KDM4C: variants seen among roughly 807,000 people sequenced by gnomAD.
KDM4C encodes the protein lysine-specific demethylase 4C.
KDM4C carries 81 observed loss-of-function variants against 129.3 expected under a neutral mutation model. That is an observed-to-expected ratio of 0.63 (90% confidence interval 0.52 to 0.75). The LOEUF is 0.75. KDM4C is among the 30% of genes least tolerant of loss of function. The pLI is 0.00. For synonymous variants in KDM4C, 573 were observed against 456.1 expected, an observed-to-expected ratio of 1.26 and a Z score of -3.26; for missense variants, 1,457 against 1,304.0, an observed-to-expected ratio of 1.12 and a Z score of -1.81.
chr9:7,131,276 G>C (rs989414718), intron 19 of KDM4C, among the ~76,000 whole-genome samples: 1 of 152,084 alleles, frequency 6.6e-6, no homozygotes, highest in East Asian at 1.9e-4. Flanking sequence ...CAGTGTCACC[G>C]TTGTTAGCTG....
chr9:7,069,811 CAT>C (rs1832950309), intron 17 of KDM4C, among the ~76,000 whole-genome samples: 1 of 152,048 alleles, frequency 6.6e-6, no homozygotes, highest in Non-Finnish European at 1.5e-5. Context: ...GTTTATAGGA[CAT>C]GTGAAAATAA....
In KDM4C at chr9:6,823,016, A is replaced by G. The variant is rs141840351; in HGVS notation, c.435+8271A>G. ...GCATTTCTAGCAATACCTATTGTGT[A>G]GCATAATGATGATTCTTCTCGTGGT... On this transcript the variant is annotated intron_variant, in intron 4 of 21. Transcript: ENST00000381309. Among the ~76,000 whole-genome samples, 442 of 152,374 alleles carry G rather than the reference A, an allele frequency of 2.9e-3. 2 individuals are homozygous for G. Among genetic ancestry groups the G allele is most frequent in the African/African-American group, 0.01 (418 of 41,588 alleles).
At chr9:6,972,537 A>T (rs1048791949) in intron 8 of KDM4C, among the ~76,000 whole-genome samples, 1 of 152,170 alleles carries the variant, frequency 6.6e-6, no homozygotes, top group Non-Finnish European at 1.5e-5. Flanking sequence ...AAATGCCACC[A>T]GTTGTGGTCA....
At chr9:6,868,456 G>C (rs1842376829) in intron 5 of KDM4C, among the ~76,000 whole-genome samples, 1 of 152,156 alleles carries the variant, frequency 6.6e-6, no homozygotes, top group African/African-American at 2.4e-5. Flanking sequence ...CAGTATCCAT[G>C]AACTGTTGGT....
chr9:7,065,994 TAA>T (rs35817401), intron 17 of KDM4C, among the ~76,000 whole-genome samples: 1,983 of 144,120 alleles, frequency 0.014, 15 homozygotes, highest in Middle Eastern at 0.021. Flanking sequence ...GTAACAGCTT[TAA>T]AAAAAAAAAA....
intron 4 of KDM4C, among the ~76,000 whole-genome samples, chr9:6,838,462 T>C (rs1201459247): frequency 6.6e-6 from 1 of 152,182 alleles, no homozygotes; most frequent in Admixed American, 6.5e-5. Context: ...GAAACTCCAT[T>C]AACTTCACAC....
At chr9:6,791,504 C>T (rs575887950) in intron 1 of KDM4C, among the ~76,000 whole-genome samples, 3 of 152,238 alleles carry the variant, frequency 2.0e-5, no homozygotes, top group South Asian at 2.1e-4. Flanking sequence ...CATTCTTTTC[C>T]GTGTTTTGCC....
In KDM4C at chr9:6,926,341, T is replaced by TAAAAAAAA. The variant is rs33974740; in HGVS notation, c.921+33116_921+33123dup. On this transcript the variant is annotated intron_variant, in intron 8 of 21. Transcript: ENST00000381309. ...GAAGCAGTTGTAGAGAGATAATTTG[T>TAAAAAAAA]AAAAAAAAAAAAAAGGACCAAAATA... 2.1e-3 allele frequency among the ~76,000 whole-genome samples: 221 copies of TAAAAAAAA among 107,368 alleles called. 7 individuals carry two copies. In the South Asian group the frequency reaches 0.047, roughly 23 times the overall value. 70.4% of individuals were successfully genotyped at this position (107,368 alleles called of 152,430 possible).
intron 4 of KDM4C, among the ~76,000 whole-genome samples, chr9:6,817,651 G>T (rs1199833605): frequency 2.6e-5 from 4 of 151,734 alleles, no homozygotes; most frequent in Non-Finnish European, 4.4e-5. Context: ...TCTATGTTGA[G>T]AATGTATTGT....
intron 1 of KDM4C, among the ~76,000 whole-genome samples, chr9:6,785,340 T>G (rs1015898972): frequency 7.7e-5 from 10 of 129,562 alleles, no homozygotes. Flanking sequence ...CTCCTCTTCC[T>G]CTTTTTTTTT....
chr9:7,104,881 C>G (rs973620840), intron 18 of KDM4C, among the ~76,000 whole-genome samples: 22 of 152,192 alleles, frequency 1.4e-4, no homozygotes, highest in Non-Finnish European at 2.9e-4. Context: ...CTTTGTAATG[C>G]TTTCAGCAAT....
intron 8 of KDM4C, among the ~76,000 whole-genome samples, chr9:6,968,863 T>A (rs1769663058): frequency 1.3e-5 from 2 of 152,216 alleles, no homozygotes; most frequent in South Asian, 2.1e-4. Flanking sequence ...TACAATAATC[T>A]GTTTTAGTTT....
intron 18 of KDM4C, among the ~76,000 whole-genome samples, chr9:7,115,615 A>G (rs1281650878): frequency 6.6e-6 from 1 of 152,242 alleles, no homozygotes; most frequent in Admixed American, 6.5e-5. Context: ...ATGTAATGAA[A>G]GTATATTTTT....
chr9:6,762,699 C>A (rs940027314), intron 1 of KDM4C, among the ~76,000 whole-genome samples: 1 of 149,264 alleles, frequency 6.7e-6, no homozygotes, highest in Non-Finnish European at 1.5e-5. Flanking sequence ...GCCCTTGTTG[C>A]CCAGGCTGGA....
chr9:6,857,976 C>G (rs1038251441), intron 5 of KDM4C, among the ~76,000 whole-genome samples: 44 of 141,738 alleles, frequency 3.1e-4, no homozygotes, highest in Non-Finnish European at 4.8e-4. Context: ...GTTGCCCAGG[C>G]TGGCCTGGAA....
At chr9:7,063,881 A>G (rs1311517176) in intron 17 of KDM4C, among the ~76,000 whole-genome samples, 1 of 152,148 alleles carries the variant, frequency 6.6e-6, no homozygotes, top group African/African-American at 2.4e-5. Context: ...CTGAAATTTC[A>G]GTAGAGCTGG....
At chr9:7,120,823 TC>T (rs1198601083) in intron 18 of KDM4C, among the ~76,000 whole-genome samples, 1 of 152,190 alleles carries the variant, frequency 6.6e-6, no homozygotes, top group East Asian at 1.9e-4. Flanking sequence ...GGTGTTTTCT[TC>T]CTAACTCACT....
At position 6,758,039 on chromosome 9, in the gene KDM4C, C is replaced by A. The variant is rs1330133938; in HGVS notation, c.-182C>A. Reference sequence around the variant, plus strand: ...ACCCCCTCGACGGGAGGGTGAGGCGCGGCGCAGTGATCGGGCGGCCGGGGT... The same window carrying A: ...ACCCCCTCGACGGGAGGGTGAGGCGAGGCGCAGTGATCGGGCGGCCGGGGT... On this transcript the variant is annotated 5_prime_UTR_variant, in exon 1 of 22. Transcript: ENST00000381309. The surrounding 1 kb of genome is among the most constrained non-coding windows in gnomAD (Gnocchi z 4.6). 2 of 985,298 alleles carry A rather than the reference C, an allele frequency of 2.0e-6. No individual in the cohort carries two copies. Among genetic ancestry groups the A allele is most frequent in the African/African-American group, 3.5e-5 (2 of 57,236 alleles). The allele number at this position is 985,298 out of a possible 1,614,324, so 61.0% of individuals were successfully genotyped here. A position where few individuals can be genotyped will look rare whatever the true frequency, so the allele number is the denominator to read the frequency against.
chr9:6,834,700 G>A (rs985044477), intron 4 of KDM4C: 3 of 862,844 alleles, frequency 3.5e-6, no homozygotes, highest in Admixed American at 1.7e-5. Flanking sequence ...GGGACAACAT[G>A]GAGAAGATCT....
Sources: allele counts gnomAD v4.1 joint callset (sites outside exome capture counted in the v4.1 genomes callset), GRCh38; gene constraint gnomAD v4.1.1; non-coding constraint Gnocchi (gnomAD v3.1); transcripts MANE v1.5; gene names NCBI Gene and HGNC (gene_info 2026-07-23, HGNC 2026-07-21).